Variants in TTC27 observed in about 807,000 individuals in gnomAD.
The protein encoded by TTC27 is tetratricopeptide repeat domain 27, also known as tetratricopeptide repeat protein 27.
A neutral mutation model predicts 115.9 loss-of-function variants in TTC27; 79 were observed. The ratio of observed to expected loss-of-function variants is 0.68; its 90% CI spans 0.57 to 0.82. The LOEUF (loss-of-function observed/expected upper bound fraction) is 0.82. Among genes scored for constraint, TTC27 ranks in the 40% least tolerant of loss-of-function variants. TTC27 has a pLI of 0.00. For synonymous variants in TTC27, 401 were observed against 356.0 expected, an observed-to-expected ratio of 1.13 and a Z score of -1.42; for missense variants, 1,054 against 993.1, an observed-to-expected ratio of 1.06 and a Z score of -0.82.
chr2:32,730,417 C>T (rs569711467), intron 10 of TTC27, among the ~76,000 whole-genome samples: 1 of 152,158 alleles, frequency 6.6e-6, no homozygotes, highest in South Asian at 2.1e-4. Context: ...TTTATTGTGC[C>T]TGTAAAGGAC....
At chr2:32,696,714 A>C (rs1398627991) in intron 9 of TTC27, among the ~76,000 whole-genome samples, 1 of 152,248 alleles carries the variant, frequency 6.6e-6, no homozygotes, top group African/African-American at 2.4e-5. Flanking sequence ...TCTTTCAGGC[A>C]TGACCCAGAA....
intron 12 of TTC27, among the ~76,000 whole-genome samples, chr2:32,756,619 C>T (rs1013259833): frequency 2.0e-5 from 3 of 152,190 alleles, no homozygotes; most frequent in Non-Finnish European, 4.4e-5. Flanking sequence ...AAAAATTAGA[C>T]TGCTTAAGGA....
chr2:32,635,732 T>A (rs1463540209), intron 3 of TTC27, among the ~76,000 whole-genome samples: 2 of 151,972 alleles, frequency 1.3e-5, no homozygotes, highest in Non-Finnish European at 2.9e-5. Flanking sequence ...AAATGTGGAA[T>A]AGAGTTATTA....
At chr2:32,753,562 G>T (rs1472437957) in intron 12 of TTC27, among the ~76,000 whole-genome samples, 2 of 147,866 alleles carry the variant, frequency 1.4e-5, no homozygotes, top group South Asian at 4.3e-4. Flanking sequence ...TGATTCTCCT[G>T]CCTCAGCCTC....
chr2:32,665,710 T>A (rs1398481409), intron 6 of TTC27, among the ~76,000 whole-genome samples: 2 of 152,014 alleles, frequency 1.3e-5, no homozygotes, highest in Non-Finnish European at 2.9e-5. Context: ...CTGGCCAACA[T>A]GGCAAAACCC....
chr2:32,820,347 TA>T (rs2148055871), intron 19 of TTC27, among the ~76,000 whole-genome samples: 1 of 152,392 alleles, frequency 6.6e-6, no homozygotes, highest in Admixed American at 6.5e-5. Context: ...CAGTTATTTT[TA>T]TTTTGCTGGA....
At chr2:32,783,088 T>A (rs770720072) in intron 15 of TTC27, among the ~76,000 whole-genome samples, 10 of 152,162 alleles carry the variant, frequency 6.6e-5, no homozygotes, top group Non-Finnish European at 1.0e-4. Context: ...AATGTAGGTT[T>A]AAAAAATAAA....
At chr2:32,662,381 G>T (rs1665581321) in intron 5 of TTC27, among the ~76,000 whole-genome samples, 1 of 152,136 alleles carries the variant, frequency 6.6e-6, no homozygotes, top group African/African-American at 2.4e-5. Context: ...GAATTCGGCT[G>T]TGAATCTGTC....
At chr2:32,721,265 G>A (rs1289452806) in intron 10 of TTC27, among the ~76,000 whole-genome samples, 1 of 152,152 alleles carries the variant, frequency 6.6e-6, no homozygotes, top group African/African-American at 2.4e-5. Flanking sequence ...AGGTCGCAAT[G>A]AGGAGTCATT....
In TTC27 at chr2:32,669,384, A is replaced by T. The variant is rs55921488; in HGVS notation, c.939+2616A>T. On this transcript the variant is annotated intron_variant, in intron 7 of 19. Transcript: ENST00000317907. The stretch of plus-strand genomic sequence containing the variant: ...CTTGAAGATGGAGAGTACAAGTTGT[A>T]TGCTGTAGGTATGGATTAGATAGAA... Among the ~76,000 whole-genome samples the T allele has an allele frequency of 3.3e-3, 507 of 152,372 alleles. 4 individuals carry two copies. The highest frequency in any genetic ancestry group is 0.012 in the African/African-American group (488 of 41,596).
At chr2:32,804,400 T>C (rs559793033) in intron 16 of TTC27, among the ~76,000 whole-genome samples, 1 of 152,318 alleles carries the variant, frequency 6.6e-6, no homozygotes, top group South Asian at 2.1e-4. Context: ...CACAAAGATA[T>C]GCACTAAAGT....
chr2:32,636,401 A>T (rs983054106), intron 3 of TTC27, among the ~76,000 whole-genome samples: 1 of 152,034 alleles, frequency 6.6e-6, no homozygotes, highest in Non-Finnish European at 1.5e-5. Context: ...TTTAGTAGAG[A>T]CGGGGTTTCA....
intron 10 of TTC27, among the ~76,000 whole-genome samples, chr2:32,721,619 T>C (rs1667928005): frequency 7.4e-6 from 1 of 135,830 alleles, no homozygotes; most frequent in Admixed American, 7.4e-5. Context: ...TCTCTCTCTC[T>C]CTTTTTTTTT....
chr2:32,820,562 G>C (rs3820915), intron 19 of TTC27, among the ~76,000 whole-genome samples: 100,410 of 152,088 alleles, frequency 0.66, 34,222 homozygotes, highest in African/African-American at 0.84. Flanking sequence ...AATGAATAAT[G>C]AGAATTTAGG....
chr2:32,763,563 C>T (rs1669519829), intron 13 of TTC27, among the ~76,000 whole-genome samples: 1 of 152,048 alleles, frequency 6.6e-6, no homozygotes, highest in African/African-American at 2.4e-5. Flanking sequence ...TAGATTTAAG[C>T]GCATTTTAAA....
chr2:32,694,297 A>G (rs1379455233), intron 9 of TTC27, among the ~76,000 whole-genome samples: 1 of 152,252 alleles, frequency 6.6e-6, no homozygotes, highest in African/African-American at 2.4e-5. Context: ...TACTATAATT[A>G]ACTATACAGA....
intron 8 of TTC27, among the ~76,000 whole-genome samples, chr2:32,673,802 C>T (rs1572502266): frequency 6.6e-6 from 1 of 152,062 alleles, no homozygotes; most frequent in Non-Finnish European, 1.5e-5. Context: ...TGAGACCAGG[C>T]TGGCCAACAT....
At chr2:32,641,911 A>G (rs921022743) in intron 4 of TTC27, among the ~76,000 whole-genome samples, 2 of 152,146 alleles carry the variant, frequency 1.3e-5, no homozygotes, top group Admixed American at 6.6e-5. Flanking sequence ...GCTGGAGTGC[A>G]GTGGCGTGAT....
intron 16 of TTC27, among the ~76,000 whole-genome samples, chr2:32,789,963 GC>G (rs1670478439): frequency 1.4e-5 from 2 of 141,700 alleles, no homozygotes; most frequent in South Asian, 4.6e-4. Flanking sequence ...TCTTTCAGGA[GC>G]CTTCCCTAAG....
Sources: allele counts gnomAD v4.1 joint callset (sites outside exome capture counted in the v4.1 genomes callset), GRCh38; gene constraint gnomAD v4.1.1; transcripts MANE v1.5; gene names NCBI Gene and HGNC (gene_info 2026-07-23, HGNC 2026-07-21).